The following GRIK4 variants were observed in gnomAD, a reference collection of about 807,000 sequenced individuals.
GRIK4 encodes glutamate receptor ionotropic, kainate 4.
A neutral mutation model predicts 104.9 loss-of-function variants in GRIK4; 40 were observed. The observed-to-expected ratio is 0.38, with a 90% CI of 0.30 to 0.50. GRIK4 has a LOEUF of 0.50. Ranked by LOEUF, GRIK4 falls within the 20% of genes least tolerant of loss-of-function variation. The probability of loss-of-function intolerance (pLI) is 0.93; values close to 1 mark genes in which losing one functional copy is unlikely to be tolerated. For missense variants in GRIK4, 1,047 were observed against 1,308.1 expected, an observed-to-expected ratio of 0.80 and a Z score of 3.08; for synonymous variants, 485 against 524.9, an observed-to-expected ratio of 0.92 and a Z score of 1.04.
chr11:120,765,683 T>C (rs1406928284), intron 3 of GRIK4, among the ~76,000 whole-genome samples: 4 of 152,238 alleles, frequency 2.6e-5, no homozygotes, highest in African/African-American at 9.6e-5. Flanking sequence ...GTTGTTGCTT[T>C]CTGTTTGTTA....
intron 1 of GRIK4, among the ~76,000 whole-genome samples, chr11:120,557,813 G>A (rs1380619535): frequency 2.6e-5 from 4 of 151,962 alleles, no homozygotes; most frequent in Non-Finnish European, 4.4e-5. Context: ...TCAGGAGATC[G>A]AGACCAGCTT....
chr11:120,792,544 C>T (rs1452630682), intron 3 of GRIK4, among the ~76,000 whole-genome samples: 1 of 151,802 alleles, frequency 6.6e-6, no homozygotes, highest in Non-Finnish European at 1.5e-5. Flanking sequence ...GCAGTTAAGT[C>T]GTTGAGATGA....
intron 3 of GRIK4, among the ~76,000 whole-genome samples, chr11:120,785,143 A>T (rs978379842): frequency 3.3e-5 from 5 of 152,120 alleles, no homozygotes; most frequent in Admixed American, 2.0e-4. Context: ...ATTAGACAAG[A>T]CAAATGGGCA....
rs369264259 is a variant in GRIK4, at chr11:120,889,589, A to ATTTTTT, written c.1165-8918_1165-8913dup. Among the ~76,000 whole-genome samples the ATTTTTT allele has an allele frequency of 2.4e-3, 150 of 62,490 alleles. 17 individuals are homozygous for ATTTTTT. The highest frequency in any genetic ancestry group is 7.4e-3 in the African/African-American group (125 of 16,948). 41.0% of individuals were successfully genotyped at this position (62,490 alleles called of 152,430 possible). A position where few individuals can be genotyped will look rare whatever the true frequency, so the allele number is the denominator to read the frequency against. On this transcript the variant is annotated intron_variant, in intron 11 of 20. Coordinates refer to ENST00000527524, the MANE Select transcript of GRIK4 (RefSeq NM_014619.5). ...ATAGAATAAAATAGAAAGAGCTTACATTTTTTTTTTTTTTTTTTTTTTTTT... is the reference window on the plus strand; with the variant it reads ...ATAGAATAAAATAGAAAGAGCTTACATTTTTTTTTTTTTTTTTTTTTTTTTTTTTTT...
At chr11:120,529,810 T>C (rs1316120688) in intron 1 of GRIK4, among the ~76,000 whole-genome samples, 1 of 152,220 alleles carries the variant, frequency 6.6e-6, no homozygotes, top group Non-Finnish European at 1.5e-5. Context: ...ACAAAGGTGC[T>C]TTCACATCCA....
At chr11:120,828,576 G>A (rs979002608) in intron 6 of GRIK4, among the ~76,000 whole-genome samples, 2 of 152,152 alleles carry the variant, frequency 1.3e-5, no homozygotes, top group Non-Finnish European at 2.9e-5. Flanking sequence ...GGGTGGGGCT[G>A]TTGCCATAGT....
intron 3 of GRIK4, among the ~76,000 whole-genome samples, chr11:120,673,053 G>T (rs1336436543): frequency 6.6e-6 from 1 of 152,128 alleles, no homozygotes; most frequent in Non-Finnish European, 1.5e-5. Context: ...TATGATATTG[G>T]CTGTGAGACC....
intron 3 of GRIK4, among the ~76,000 whole-genome samples, chr11:120,720,281 T>C (rs1192547870): frequency 6.6e-6 from 1 of 152,240 alleles, no homozygotes; most frequent in Non-Finnish European, 1.5e-5. Context: ...GGATTGGTCA[T>C]GAAATCGATA....
intron 1 of GRIK4, among the ~76,000 whole-genome samples, chr11:120,601,278 C>T (rs1220707400): frequency 2.6e-5 from 4 of 151,960 alleles, no homozygotes; most frequent in Non-Finnish European, 2.9e-5. Flanking sequence ...TTGTGGTGCA[C>T]GCCTGTAATC....
At position 120,599,057 on chromosome 11, in the gene GRIK4, C is replaced by T. The variant is rs539002178; in HGVS notation, c.-158-54628C>T. On this transcript the variant is annotated intron_variant, in intron 1 of 20. Transcript: ENST00000527524. ...AAGGGTAACACCCACTCTTCAAAGGCCATTTCACAGCTCCTGGTCCTGTAA... is the reference window on the plus strand; with the variant it reads ...AAGGGTAACACCCACTCTTCAAAGGTCATTTCACAGCTCCTGGTCCTGTAA... 1.8e-4 allele frequency among the ~76,000 whole-genome samples: 27 copies of T among 152,306 alleles called. 1 individual carries two copies. In the South Asian group the frequency reaches 4.1e-3, roughly 23 times the overall value.
At chr11:120,754,738 T>A (rs868030906) in intron 3 of GRIK4, among the ~76,000 whole-genome samples, 143 of 152,342 alleles carry the variant, frequency 9.4e-4, no homozygotes, top group African/African-American at 3.3e-3. Flanking sequence ...TTCTCTGCAT[T>A]CTGTCTCACA....
At chr11:120,606,013 C>T (rs1948956200) in intron 1 of GRIK4, among the ~76,000 whole-genome samples, 1 of 152,196 alleles carries the variant, frequency 6.6e-6, no homozygotes, top group African/African-American at 2.4e-5. Context: ...TTCCTCCCAT[C>T]TCCCTTCCTG....
intron 1 of GRIK4, among the ~76,000 whole-genome samples, chr11:120,585,710 T>C (rs1404314366): frequency 1.4e-5 from 2 of 141,580 alleles, no homozygotes; most frequent in Non-Finnish European, 3.1e-5. Context: ...GGATTAAAGT[T>C]CTTTTTTTGT....
At chr11:120,842,598 A>G (rs920448321) in intron 8 of GRIK4, among the ~76,000 whole-genome samples, 3 of 152,272 alleles carry the variant, frequency 2.0e-5, no homozygotes, top group Admixed American at 2.0e-4. Flanking sequence ...TTTTTAGAGG[A>G]TAACTGATCC....
intron 1 of GRIK4, among the ~76,000 whole-genome samples, chr11:120,560,542 G>C (rs1224231311): frequency 2.0e-5 from 3 of 152,220 alleles, no homozygotes; most frequent in African/African-American, 7.2e-5. Flanking sequence ...ATATGGTATA[G>C]CTAGACTTAT....
At chr11:120,671,483 G>C (rs1159728054) in intron 3 of GRIK4, among the ~76,000 whole-genome samples, 1 of 149,080 alleles carries the variant, frequency 6.7e-6, no homozygotes, top group South Asian at 2.2e-4. Context: ...GGCCAGTGAT[G>C]ATGAGCTTTT....
intron 1 of GRIK4, among the ~76,000 whole-genome samples, chr11:120,585,500 T>A (rs1183566249): frequency 6.6e-6 from 1 of 152,050 alleles, no homozygotes; most frequent in Non-Finnish European, 1.5e-5. Context: ...AGGTGTGAGC[T>A]ACTGTGCCGT....
chr11:120,782,814 C>T (rs892063170), intron 3 of GRIK4, among the ~76,000 whole-genome samples: 1 of 152,122 alleles, frequency 6.6e-6, no homozygotes, highest in Admixed American at 6.5e-5. Flanking sequence ...AATTTCTCCC[C>T]CTCTCCCTCC....
At chr11:120,809,317 C>A (rs1222663991) in intron 4 of GRIK4, among the ~76,000 whole-genome samples, 1 of 152,240 alleles carries the variant, frequency 6.6e-6, no homozygotes, top group African/African-American at 2.4e-5. Context: ...AACTCCTCTG[C>A]TGCCTGGGAG....
Sources: allele counts gnomAD v4.1 joint callset (sites outside exome capture counted in the v4.1 genomes callset), GRCh38; gene constraint gnomAD v4.1.1; transcripts MANE v1.5; gene names NCBI Gene and HGNC (gene_info 2026-07-23, HGNC 2026-07-21).